Variants in SV2C observed in about 807,000 individuals in gnomAD.
The protein encoded by SV2C is synaptic vesicle glycoprotein 2C, also known as solute carrier family 22 member B3.
SV2C carries 49 observed loss-of-function variants against 79.7 expected under a neutral mutation model. The ratio of observed to expected loss-of-function variants is 0.61; its 90% CI spans 0.49 to 0.78. SV2C has a LOEUF of 0.78. SV2C is among the 30% of genes least tolerant of loss of function. The probability of loss-of-function intolerance (pLI) is 0.00; values close to 1 mark genes in which losing one functional copy is unlikely to be tolerated. For missense variants in SV2C, 833 were observed against 912.9 expected (o/e 0.91, Z 1.13); for synonymous variants, 334 against 333.2 (o/e 1.00, Z -0.03).
chr5:76,106,900 A>C (rs1436791915), intron 1 of SV2C, among the ~76,000 whole-genome samples: 2 of 152,166 alleles, frequency 1.3e-5, no homozygotes, highest in African/African-American at 4.8e-5. Context: ...CATGCTAGCA[A>C]GTAAACTCCA....
intron 2 of SV2C, among the ~76,000 whole-genome samples, chr5:76,184,680 A>G (rs1231213793): frequency 6.6e-6 from 1 of 152,288 alleles, no homozygotes; most frequent in East Asian, 1.9e-4. Flanking sequence ...CTCACTGAGT[A>G]TCATGAGAAC....
chr5:75,911,916 A>G, the SV2C span: 1 of 481,288 alleles, frequency 2.1e-6, no homozygotes, highest in South Asian at 1.6e-5. Flanking sequence ...TCCCCAAAGA[A>G]GCTCTTCAAC....
chr5:76,348,255 A>G (rs1004994738), intron 12 of SV2C, among the ~76,000 whole-genome samples: 1 of 152,142 alleles, frequency 6.6e-6, no homozygotes, highest in Non-Finnish European at 1.5e-5. Flanking sequence ...ATGTATATTC[A>G]TGGCTTGATA....
chr5:75,984,565 C>CTG, the SV2C span, among the ~76,000 whole-genome samples: 6,912 of 55,432 alleles, frequency 0.12, 238 homozygotes, highest in East Asian at 0.29. Context: ...ATCTATCTAT[C>CTG]TATATCTATC....
intron 8 of SV2C, among the ~76,000 whole-genome samples, chr5:76,293,598 G>C (rs1339380525): frequency 2.0e-5 from 3 of 152,062 alleles, no homozygotes; most frequent in Admixed American, 1.3e-4. Flanking sequence ...TGTGACTAGA[G>C]AACAATGCCA....
At chr5:76,295,684 CG>C in intron 8 of SV2C, 93 bp from the exon 9 acceptor site, 1 of 1,252,834 alleles carries the variant, frequency 8.0e-7, no homozygotes. Context: ...AGCCATTCTC[CG>C]GGAACTATTA....
At chr5:76,109,172 G>A (rs1164359970) in intron 1 of SV2C, among the ~76,000 whole-genome samples, 2 of 152,186 alleles carry the variant, frequency 1.3e-5, no homozygotes, top group African/African-American at 4.8e-5. Flanking sequence ...CAGTGAATGA[G>A]AAGGAATGAA....
the SV2C span, chr5:75,921,472 C>A: frequency 1.3e-6 from 1 of 795,316 alleles, no homozygotes; most frequent in Non-Finnish European, 2.3e-6. Context: ...ATAAGGCAGT[C>A]GGTCTCTGGG....
chr5:76,036,455 C>G, the SV2C span, among the ~76,000 whole-genome samples: 6 of 152,038 alleles, frequency 3.9e-5, no homozygotes, highest in Admixed American at 3.3e-4. Flanking sequence ...GACAAAATCT[C>G]TCAGCATTTG....
chr5:76,143,006 C>A (rs967241600), intron 2 of SV2C, among the ~76,000 whole-genome samples: 4 of 151,052 alleles, frequency 2.6e-5, no homozygotes, highest in African/African-American at 9.7e-5. Context: ...AAGCAATTCT[C>A]CTGCCTCAGC....
At chr5:76,304,070 G>A (rs1748104059) in intron 12 of SV2C, among the ~76,000 whole-genome samples, 1 of 152,234 alleles carries the variant, frequency 6.6e-6, no homozygotes, top group Non-Finnish European at 1.5e-5. Context: ...GTCAGGTCCA[G>A]TCATTGTCTG....
downstream of SV2C, among the ~76,000 whole-genome samples, chr5:76,336,098 GT>G (rs1483203219): frequency 1.2e-4 from 7 of 59,230 alleles, no homozygotes; most frequent in Non-Finnish European, 3.3e-4. Context: ...CCGGGCGGGG[GT>G]CTGACCCCCC....
intron 4 of SV2C, among the ~76,000 whole-genome samples, chr5:76,223,299 A>T (rs1412387624): frequency 6.6e-6 from 1 of 151,302 alleles, no homozygotes; most frequent in Non-Finnish European, 1.5e-5. Flanking sequence ...ATGGTGGCAC[A>T]CACCTGTGCT....
the SV2C span, among the ~76,000 whole-genome samples, chr5:76,060,655 A>G: frequency 6.6e-6 from 1 of 151,842 alleles, no homozygotes; most frequent in African/African-American, 2.4e-5. Flanking sequence ...TCTCTAGACC[A>G]CTGAATCTTG....
chr5:75,995,321 G>A, the SV2C span, among the ~76,000 whole-genome samples: 1 of 152,068 alleles, frequency 6.6e-6, no homozygotes, highest in South Asian at 2.1e-4. Flanking sequence ...TGGCTTGCAT[G>A]TATGAGAAGT....
chr5:75,942,534 G>A, the SV2C span, among the ~76,000 whole-genome samples: 2 of 152,142 alleles, frequency 1.3e-5, no homozygotes, highest in Non-Finnish European at 2.9e-5. Context: ...AATCAGCCTA[G>A]GCTGCCTCCC....
At chr5:76,003,977 T>C in the SV2C span, among the ~76,000 whole-genome samples, 13 of 151,596 alleles carry the variant, frequency 8.6e-5, no homozygotes, top group Admixed American at 3.9e-4. Context: ...AGGGTGGAGA[T>C]GGAGCTGAAA....
chr5:75,933,070 T>C, the SV2C span, among the ~76,000 whole-genome samples: 2 of 152,180 alleles, frequency 1.3e-5, no homozygotes, highest in African/African-American at 2.4e-5. Context: ...TCAGGGTCTA[T>C]GCAACTGATG....
the SV2C span, among the ~76,000 whole-genome samples, chr5:75,898,575 G>T: frequency 1.3e-5 from 2 of 152,104 alleles, no homozygotes; most frequent in Non-Finnish European, 2.9e-5. Context: ...GGATGATGCT[G>T]GCCTCATAAA....
Sources: allele counts gnomAD v4.1 joint callset (sites outside exome capture counted in the v4.1 genomes callset), GRCh38; gene constraint gnomAD v4.1.1; transcripts MANE v1.5; gene names NCBI Gene and HGNC (gene_info 2026-07-23, HGNC 2026-07-21).